Variants in PTCSC3 observed in about 807,000 individuals in gnomAD.
The protein encoded by PTCSC3 is papillary thyroid carcinoma susceptibility candidate 3 (non-protein coding).
At chr14:36,148,926 G>C (rs1881658079) in intron 3 of PTCSC3, among the ~76,000 whole-genome samples, 1 of 151,900 alleles carries the variant, frequency 6.6e-6, no homozygotes, top group African/African-American at 2.4e-5. Context: ...CCTGGCTAAG[G>C]GTTTATCAAT....
intron 2 of PTCSC3, among the ~76,000 whole-genome samples, chr14:36,159,876 T>A (rs998693003): frequency 2.0e-4 from 31 of 152,166 alleles, no homozygotes; most frequent in Non-Finnish European, 7.3e-5. Context: ...TTTGTAGGTC[T>A]CTAAGGACTT....
intron 1 of PTCSC3, among the ~76,000 whole-genome samples, chr14:36,163,459 A>G (rs1455741936): frequency 6.6e-6 from 1 of 151,946 alleles, no homozygotes; most frequent in Admixed American, 6.6e-5. Context: ...TTAAGGAACT[A>G]AAGAAAGGAA....
chr14:36,147,261 C>G (rs1881597624), intron 3 of PTCSC3, among the ~76,000 whole-genome samples: 1 of 152,174 alleles, frequency 6.6e-6, no homozygotes, highest in Admixed American at 6.5e-5. Context: ...AGCATGTTTT[C>G]CAATTTGGTT....
intron 2 of PTCSC3, among the ~76,000 whole-genome samples, chr14:36,155,814 A>T (rs986421258): frequency 6.6e-6 from 1 of 152,148 alleles, no homozygotes. Flanking sequence ...TTATATATAT[A>T]TGTATATATT....
downstream of PTCSC3, among the ~76,000 whole-genome samples, chr14:36,134,912 T>C (rs1451224260): frequency 6.6e-6 from 1 of 152,248 alleles, no homozygotes; most frequent in Non-Finnish European, 1.5e-5. Flanking sequence ...GCATCGTTTA[T>C]TGAACATAAG....
chr14:36,165,734 T>TG (rs1459028833), intron 1 of PTCSC3, among the ~76,000 whole-genome samples: 1 of 150,782 alleles, frequency 6.6e-6, no homozygotes, highest in African/African-American at 2.4e-5. Context: ...TTTTTTTTTT[T>TG]TTTTTTGTAG....
intron 1 of PTCSC3, among the ~76,000 whole-genome samples, chr14:36,167,322 C>A (rs559234912): frequency 4.6e-5 from 7 of 152,060 alleles, no homozygotes; most frequent in Non-Finnish European, 1.0e-4. Context: ...CCTTTCTCTG[C>A]ACACTGGTGA....
intron 1 of PTCSC3, among the ~76,000 whole-genome samples, chr14:36,173,781 C>T (rs185821708): frequency 3.3e-4 from 50 of 152,160 alleles, no homozygotes; most frequent in Admixed American, 2.5e-3. Context: ...AGGCTGGAAA[C>T]GAATTCTCTC....
rs1438277709 is a variant in PTCSC3, at chr14:36,174,877, A to G, written n.171+1421T>C. ...TCAGGAGTTTTAACAAGATGTTAAT[A>G]AATCTCTCCTCTCTGGCAGGGCCAG... On this transcript the variant is annotated intron_variant and non_coding_transcript_variant, in intron 1 of 3. Coordinates refer to ENST00000556013, the Ensembl canonical transcript of PTCSC3. Among the ~76,000 whole-genome samples the G allele has an allele frequency of 2.0e-5, 3 of 152,138 alleles. No individual in the cohort carries two copies. The East Asian group carries it at 5.8e-4, about 29-fold the overall frequency.
intron 2 of PTCSC3, among the ~76,000 whole-genome samples, chr14:36,157,817 G>T (rs1881862525): frequency 6.6e-6 from 1 of 152,078 alleles, no homozygotes; most frequent in South Asian, 2.1e-4. Flanking sequence ...GCTTGATGGG[G>T]ATAGCATTCA....
chr14:36,150,543 T>C (rs532343430), intron 3 of PTCSC3, among the ~76,000 whole-genome samples: 1 of 152,346 alleles, frequency 6.6e-6, no homozygotes, highest in East Asian at 1.9e-4. Flanking sequence ...ACATCTAAAG[T>C]GATTATTGAT....
At chr14:36,134,906 C>T (rs949041522), downstream of PTCSC3, among the ~76,000 whole-genome samples, 2 of 152,174 alleles carry the variant, frequency 1.3e-5, no homozygotes, top group African/African-American at 2.4e-5. Flanking sequence ...GGCAGGGCAT[C>T]GTTTATTGAA....
upstream of PTCSC3, chr14:36,176,526 C>T (rs990947913): frequency 6.6e-5 from 10 of 151,864 alleles, no homozygotes; most frequent in Non-Finnish European, 1.5e-4. Context: ...AATGCGATCC[C>T]CCTGGATATT....
At chr14:36,148,268 G>T (rs940337037) in intron 3 of PTCSC3, among the ~76,000 whole-genome samples, 2 of 152,136 alleles carry the variant, frequency 1.3e-5, no homozygotes, top group African/African-American at 4.8e-5. Context: ...CAGCCTCGCT[G>T]CCGCCTTGCA....
chr14:36,162,729 T>C (rs1881993541), intron 1 of PTCSC3: 1 of 152,240 alleles, frequency 6.6e-6, no homozygotes, highest in Admixed American at 6.5e-5. Context: ...CCATGATAGA[T>C]TACCTTGTAG....
intron 3 of PTCSC3, among the ~76,000 whole-genome samples, chr14:36,139,119 TAAAAAAA>T: frequency 9.4e-6 from 1 of 106,590 alleles, no homozygotes; most frequent in African/African-American, 4.1e-5. Flanking sequence ...ATCTCAAAAA[TAAAAAAA>T]AAAAAAAAAA....
At chr14:36,143,910 T>G (rs1881490770) in intron 3 of PTCSC3, among the ~76,000 whole-genome samples, 1 of 151,120 alleles carries the variant, frequency 6.6e-6, no homozygotes, top group South Asian at 2.1e-4. Context: ...ATTTATTAAA[T>G]AGGGAATCCT....
intron 2 of PTCSC3, among the ~76,000 whole-genome samples, chr14:36,156,871 C>T (rs1162121986): frequency 1.3e-5 from 2 of 152,142 alleles, no homozygotes; most frequent in East Asian, 1.9e-4. Context: ...CCACAATAAA[C>T]ATGCATGTAC....
intron 3 of PTCSC3, among the ~76,000 whole-genome samples, chr14:36,142,839 G>C (rs1465434100): frequency 1.6e-5 from 2 of 125,742 alleles, no homozygotes; most frequent in Non-Finnish European, 3.1e-5. Context: ...CCCAGACTAT[G>C]ATATTCCCCT....
Sources: allele counts gnomAD v4.1 joint callset (sites outside exome capture counted in the v4.1 genomes callset), GRCh38; gene constraint gnomAD v4.1.1; transcripts MANE v1.5; gene names NCBI Gene and HGNC (gene_info 2026-07-23, HGNC 2026-07-21).